The following SLC16A10 variants were observed in gnomAD, a reference collection of about 807,000 sequenced individuals.
SLC16A10 encodes solute carrier family 16 member 10.
A neutral mutation model predicts 40.0 loss-of-function variants in SLC16A10; 27 were observed. That is an observed-to-expected ratio of 0.67 (90% CI 0.50 to 0.93). The LOEUF (loss-of-function observed/expected upper bound fraction) is 0.93, where lower values mean the gene tolerates loss of function less well. Among genes scored for constraint, SLC16A10 ranks in the 40% least tolerant of loss-of-function variants. The pLI is 0.00. For missense variants in SLC16A10, 529 were observed against 658.2 expected (o/e 0.80, Z 2.15); for synonymous variants, 213 against 249.8 (o/e 0.85, Z 1.39).
At chr6:111,198,235 G>A (rs1040088254) in intron 3 of SLC16A10, among the ~76,000 whole-genome samples, 5 of 152,110 alleles carry the variant, frequency 3.3e-5, no homozygotes, top group African/African-American at 9.7e-5. Flanking sequence ...GCAGTGAACT[G>A]AGATTCTGCC....
Position 111,088,105 on chromosome 6 carries a change from G to A in SLC16A10, c.343+10G>A. 1 of 1,589,888 alleles carries A rather than the reference G, an allele frequency of 6.3e-7. No individual in the cohort carries two copies. The highest frequency in any genetic ancestry group is 8.5e-7 in the Non-Finnish European group (1 of 1,170,174). ...ATGGTCTTTAAGACAGGTGAGGCGCGGCGCCCGCCGAGGCCAGCCTGGGCG... is the reference window on the plus strand; with the variant it reads ...ATGGTCTTTAAGACAGGTGAGGCGCAGCGCCCGCCGAGGCCAGCCTGGGCG... On this transcript the variant is annotated intron_variant, in intron 1 of 5. Coordinates refer to ENST00000368851, the MANE Select transcript of SLC16A10 (RefSeq NM_018593.5).
chr6:111,127,298 T>C (rs750376574), intron 1 of SLC16A10, among the ~76,000 whole-genome samples: 26 of 152,176 alleles, frequency 1.7e-4, no homozygotes, highest in Non-Finnish European at 2.9e-4. Flanking sequence ...CACGAAGTGG[T>C]ATTTGATCTG....
intron 3 of SLC16A10, among the ~76,000 whole-genome samples, chr6:111,179,817 G>T (rs1221969946): frequency 6.6e-6 from 1 of 152,142 alleles, no homozygotes; most frequent in Admixed American, 6.5e-5. Flanking sequence ...GCCCGTTATC[G>T]CACCGAATGC....
chr6:111,104,624 G>C (rs895372698), intron 1 of SLC16A10, among the ~76,000 whole-genome samples: 1 of 152,170 alleles, frequency 6.6e-6, no homozygotes, highest in Non-Finnish European at 1.5e-5. Flanking sequence ...GGAGCGTTAA[G>C]GGTCAGCAAG....
At chr6:111,130,234 T>C (rs141991078) in intron 1 of SLC16A10, among the ~76,000 whole-genome samples, 1 of 152,330 alleles carries the variant, frequency 6.6e-6, no homozygotes, top group Non-Finnish European at 1.5e-5. Context: ...GAATGTGTTC[T>C]AAACGAAATC....
intron 1 of SLC16A10, among the ~76,000 whole-genome samples, chr6:111,101,561 A>G (rs1456846171): frequency 6.6e-6 from 1 of 152,216 alleles, no homozygotes; most frequent in Non-Finnish European, 1.5e-5. Context: ...TTCTAATTAA[A>G]TGTTGATATT....
intron 1 of SLC16A10, among the ~76,000 whole-genome samples, chr6:111,130,529 A>G (rs907751463): frequency 6.6e-6 from 1 of 152,070 alleles, no homozygotes; most frequent in East Asian, 1.9e-4. Context: ...AGCACTAGAC[A>G]TTCTGTTATG....
intron 3 of SLC16A10, among the ~76,000 whole-genome samples, chr6:111,202,365 G>A (rs896935701): frequency 1.3e-5 from 2 of 151,994 alleles, no homozygotes; most frequent in Non-Finnish European, 1.5e-5. Context: ...GTGGTCCCAG[G>A]TACTCGGGAG....
chr6:111,192,758 G>A (rs1773016946), intron 3 of SLC16A10, among the ~76,000 whole-genome samples: 1 of 152,162 alleles, frequency 6.6e-6, no homozygotes, highest in Non-Finnish European at 1.5e-5. Flanking sequence ...ACGGCAGGAG[G>A]CAAGAGTGTG....
chr6:111,130,199 G>A (rs568909106), intron 1 of SLC16A10, among the ~76,000 whole-genome samples: 9 of 152,196 alleles, frequency 5.9e-5, no homozygotes, highest in Non-Finnish European at 1.2e-4. Flanking sequence ...ACACATGTTA[G>A]TACTGTAGCA....
intron 1 of SLC16A10, among the ~76,000 whole-genome samples, chr6:111,139,857 G>A (rs1481818949): frequency 1.3e-5 from 2 of 152,116 alleles, no homozygotes; most frequent in African/African-American, 2.4e-5. Flanking sequence ...TTCCACAATG[G>A]TTGAACTAAC....
Position 111,222,064 on chromosome 6 carries a change from C to A in SLC16A10, c.1377C>A (p.Pro459=). 1.2e-6 allele frequency: 2 copies of A among 1,611,162 alleles called. No individual in the cohort carries two copies. Among genetic ancestry groups the A allele is most frequent in the East Asian group, 2.2e-5 (1 of 44,788 alleles). Residue 459 remains proline (P), a synonymous_variant, in exon 6 of 6, where the codon CCC becomes CCA. Transcript: ENST00000368851. ...CATTCTACCTCGCTGGAGTCCCTCC[C>A]CTTATTGGAGGTGCTGTGCTTTGTT... ...DVAFYLAGVP[P]LIGGAVLCFI...
At chr6:111,143,360 G>A (rs1026918187) in intron 1 of SLC16A10, among the ~76,000 whole-genome samples, 4 of 152,072 alleles carry the variant, frequency 2.6e-5, no homozygotes, top group Admixed American at 2.6e-4. Flanking sequence ...ATAAGTGTGA[G>A]CCACTATGCC....
chr6:111,131,798 G>T (rs1001959956), intron 1 of SLC16A10, among the ~76,000 whole-genome samples: 9 of 152,218 alleles, frequency 5.9e-5, no homozygotes, highest in Non-Finnish European at 1.3e-4. Flanking sequence ...TTAGCTGGTT[G>T]AGATCATGGC....
At chr6:111,203,225 A>G (rs554012741) in intron 3 of SLC16A10, among the ~76,000 whole-genome samples, 2 of 152,310 alleles carry the variant, frequency 1.3e-5, no homozygotes, top group East Asian at 1.9e-4. Flanking sequence ...GCAGTCATGG[A>G]CAGCCTAGGC....
At chr6:111,197,999 A>G (rs578103414) in intron 3 of SLC16A10, among the ~76,000 whole-genome samples, 3 of 152,270 alleles carry the variant, frequency 2.0e-5, no homozygotes, top group South Asian at 2.1e-4. Flanking sequence ...TCAGAAGCCT[A>G]TCTTAGGCTG....
intron 3 of SLC16A10, among the ~76,000 whole-genome samples, chr6:111,201,676 G>A (rs568893014): frequency 6.6e-6 from 1 of 152,124 alleles, no homozygotes; most frequent in Non-Finnish European, 1.5e-5. Context: ...GACCATCAAG[G>A]CATGGCCAAA....
In SLC16A10 at chr6:111,128,812, C is replaced by A. The variant is rs76970825; in HGVS notation, c.343+40717C>A. 1.7e-3 allele frequency among the ~76,000 whole-genome samples: 256 copies of A among 151,888 alleles called. 3 individuals carry two copies. The highest frequency in any genetic ancestry group is 5.6e-3 in the African/African-American group (234 of 41,450). On this transcript the variant is annotated intron_variant, in intron 1 of 5. Coordinates refer to ENST00000368851, the MANE Select transcript of SLC16A10 (RefSeq NM_018593.5). The stretch of plus-strand genomic sequence containing the variant: ...TAAAAATTTGTAAATCAAGAAAAAT[C>A]TTTACCCCAACAAATTGTTTTTATA...
At chr6:111,160,380 A>G (rs1297203438) in intron 1 of SLC16A10, among the ~76,000 whole-genome samples, 1 of 152,226 alleles carries the variant, frequency 6.6e-6, no homozygotes, top group African/African-American at 2.4e-5. Context: ...CTGGTATTAC[A>G]GGCATGTGCC....
Sources: allele counts gnomAD v4.1 joint callset (sites outside exome capture counted in the v4.1 genomes callset), GRCh38; gene constraint gnomAD v4.1.1; transcripts MANE v1.5; gene names NCBI Gene and HGNC (gene_info 2026-07-23, HGNC 2026-07-21).